GMDS: variants seen among roughly 807,000 people sequenced by gnomAD.
GMDS encodes the protein GDP-mannose 4,6-dehydratase.
Under a neutral mutation model 49.9 loss-of-function variants are expected in GMDS, and 20 were observed. That is an observed-to-expected ratio of 0.40 (90% CI 0.28 to 0.58). The LOEUF is 0.58. Ranked by LOEUF, GMDS falls within the 20% of genes least tolerant of loss-of-function variation. GMDS has a pLI of 0.42. For synonymous variants in GMDS, 177 were observed against 178.6 expected, an observed-to-expected ratio of 0.99 and a Z score of 0.07; for missense variants, 362 against 481.4, an observed-to-expected ratio of 0.75 and a Z score of 2.32.
intron 4 of GMDS, among the ~76,000 whole-genome samples, chr6:1,972,810 A>C (rs932659296): frequency 7.9e-5 from 12 of 152,192 alleles, no homozygotes; most frequent in Admixed American, 3.3e-4. Flanking sequence ...AATGTTTACC[A>C]GGCCCACTGC....
At position 1,776,425 on chromosome 6, in the gene GMDS, C is replaced by T. The variant is rs543555639; in HGVS notation, c.772-33839G>A. Among the ~76,000 whole-genome samples the T allele has an allele frequency of 2.6e-5, 4 of 152,012 alleles. No individual in the cohort carries two copies. The Middle Eastern group carries it at 0.01, about 388-fold the overall frequency. On this transcript the variant is annotated intron_variant, in intron 7 of 10. Transcript: ENST00000380815. Reference sequence around the variant, plus strand: ...CTGTGGGGCCAGGTGTGGTGGCTCACATCTGTAATCTCAGTGCTTTGGGGG... The same window carrying T: ...CTGTGGGGCCAGGTGTGGTGGCTCATATCTGTAATCTCAGTGCTTTGGGGG...
At chr6:1,895,429 G>T (rs1483435722) in intron 7 of GMDS, among the ~76,000 whole-genome samples, 2 of 152,120 alleles carry the variant, frequency 1.3e-5, no homozygotes, top group Admixed American at 6.5e-5. Flanking sequence ...GCTATGCATT[G>T]CCCACTAAGG....
chr6:2,152,094 T>C (rs1776872139), intron 1 of GMDS, among the ~76,000 whole-genome samples: 1 of 152,156 alleles, frequency 6.6e-6, no homozygotes, highest in African/African-American at 2.4e-5. Context: ...AGTTCTCTAA[T>C]CTGAAAATAT....
chr6:1,986,028 A>T (rs536243622), intron 4 of GMDS, among the ~76,000 whole-genome samples: 1 of 152,268 alleles, frequency 6.6e-6, no homozygotes, highest in South Asian at 2.1e-4. Flanking sequence ...CATATTTATG[A>T]CCCTTTGAAA....
intron 4 of GMDS, among the ~76,000 whole-genome samples, chr6:2,062,498 G>C (rs114884448): frequency 6.6e-6 from 1 of 151,906 alleles, no homozygotes; most frequent in South Asian, 2.1e-4. Context: ...AAGAAGAACC[G>C]TGACAGATAT....
chr6:1,720,841 A>G (rs1240826374), intron 9 of GMDS, among the ~76,000 whole-genome samples: 1 of 152,128 alleles, frequency 6.6e-6, no homozygotes. Context: ...ACTGGCTTCT[A>G]ACAGAGCTGG....
intron 7 of GMDS, among the ~76,000 whole-genome samples, chr6:1,859,235 T>C (rs1758077422): frequency 6.6e-6 from 1 of 152,198 alleles, no homozygotes; most frequent in African/African-American, 2.4e-5. Context: ...GGAACCCTGG[T>C]GCTACTTCGG....
intron 7 of GMDS, among the ~76,000 whole-genome samples, chr6:1,872,694 G>A (rs1758834726): frequency 6.6e-6 from 1 of 152,256 alleles, no homozygotes; most frequent in South Asian, 2.1e-4. Flanking sequence ...AGCTAACTCG[G>A]TCAGAGGGCT....
intron 7 of GMDS, among the ~76,000 whole-genome samples, chr6:1,889,176 C>T (rs1363987369): frequency 1.3e-5 from 2 of 152,186 alleles, no homozygotes; most frequent in Non-Finnish European, 2.9e-5. Flanking sequence ...ACTCATTCTC[C>T]ACACACTCAT....
intron 7 of GMDS, among the ~76,000 whole-genome samples, chr6:1,787,138 T>C (rs1008564207): frequency 1.3e-5 from 2 of 152,190 alleles, no homozygotes; most frequent in African/African-American, 4.8e-5. Context: ...CCTTAATCTC[T>C]CCCCTGGCTA....
intron 7 of GMDS, among the ~76,000 whole-genome samples, chr6:1,744,916 C>A (rs1767421008): frequency 6.6e-6 from 1 of 152,254 alleles, no homozygotes; most frequent in Non-Finnish European, 1.5e-5. Context: ...CGCTTCCCAA[C>A]TAAGCTGAGC....
chr6:2,017,652 C>T (rs1265432960), intron 4 of GMDS, among the ~76,000 whole-genome samples: 1 of 152,064 alleles, frequency 6.6e-6, no homozygotes, highest in Non-Finnish European at 1.5e-5. Flanking sequence ...GAGTGCCAAC[C>T]CCCATTGCAG....
intron 7 of GMDS, among the ~76,000 whole-genome samples, chr6:1,750,930 C>T (rs1415090059): frequency 1.3e-5 from 2 of 152,152 alleles, no homozygotes; most frequent in Admixed American, 1.3e-4. Context: ...GTGGTTTTCC[C>T]CTCACAGTGT....
intron 7 of GMDS, among the ~76,000 whole-genome samples, chr6:1,876,430 T>C (rs1310077905): frequency 6.6e-6 from 1 of 152,216 alleles, no homozygotes; most frequent in Non-Finnish European, 1.5e-5. Flanking sequence ...TACGATATAA[T>C]AACTAGGCTC....
intron 9 of GMDS, among the ~76,000 whole-genome samples, chr6:1,648,191 CCT>C (rs1256652002): frequency 3.3e-5 from 5 of 152,248 alleles, no homozygotes; most frequent in South Asian, 4.1e-4. Context: ...CTTATCATAT[CCT>C]CTCTCCTCAG....
chr6:2,062,791 T>A (rs1443498570), intron 4 of GMDS, among the ~76,000 whole-genome samples: 2 of 152,218 alleles, frequency 1.3e-5, no homozygotes, highest in Non-Finnish European at 2.9e-5. Context: ...AAGGAACAAC[T>A]GGCAACAAAA....
chr6:2,077,502 A>T (rs376913410), intron 4 of GMDS, among the ~76,000 whole-genome samples: 2 of 152,182 alleles, frequency 1.3e-5, no homozygotes, highest in East Asian at 3.9e-4. Flanking sequence ...GGGATGCTGA[A>T]TTTTATCAAA....
At chr6:2,203,158 C>T (rs954412286) in intron 1 of GMDS, among the ~76,000 whole-genome samples, 1 of 151,894 alleles carries the variant, frequency 6.6e-6, no homozygotes, top group Non-Finnish European at 1.5e-5. Flanking sequence ...AATAAAAGGC[C>T]GATGCTTATG....
At chr6:1,723,180 T>C (rs1294983900) in intron 9 of GMDS, among the ~76,000 whole-genome samples, 2 of 151,698 alleles carry the variant, frequency 1.3e-5, no homozygotes, top group Non-Finnish European at 3.0e-5. Flanking sequence ...GTACCTGCCT[T>C]TGCTGAGCAA....
Sources: allele counts gnomAD v4.1 joint callset (sites outside exome capture counted in the v4.1 genomes callset), GRCh38; gene constraint gnomAD v4.1.1; transcripts MANE v1.5; gene names NCBI Gene and HGNC (gene_info 2026-07-23, HGNC 2026-07-21).